Variants in PLD5 observed in about 807,000 individuals in gnomAD.
The protein encoded by PLD5 is inactive phospholipase D5.
Under a neutral mutation model 61.1 loss-of-function variants are expected in PLD5, and 36 were observed. The observed-to-expected ratio is 0.59, with a 90% CI of 0.45 to 0.78. The LOEUF (loss-of-function observed/expected upper bound fraction) is 0.78. Ranked by LOEUF, PLD5 falls within the 30% of genes least tolerant of loss-of-function variation. The pLI, the probability that PLD5 is intolerant of heterozygous loss-of-function variation, is 0.00. For missense variants in PLD5, 515 were observed against 644.4 expected (o/e 0.80, Z 2.17); for synonymous variants, 243 against 242.8 (o/e 1.00, Z -0.01).
intron 1 of PLD5, among the ~76,000 whole-genome samples, chr1:242,447,741 G>A (rs962615176): frequency 2.0e-5 from 3 of 152,118 alleles, no homozygotes; most frequent in Non-Finnish European, 4.4e-5. Context: ...CACTCTCTTC[G>A]GAGGTCTGTA....
In PLD5 at chr1:242,348,146, C is replaced by T. The variant is rs1383167435; in HGVS notation, c.286G>A (p.Glu96Lys). 3.7e-6 allele frequency: 6 copies of T among 1,613,900 alleles called. 1 individual carries two copies. In the South Asian group the frequency reaches 4.4e-5, roughly 12 times the overall value. ...CAATTTTTTTCTGAGAGTCCATCCTCATCCTCTCCCATGATGTCCACGGCT... is the reference window on the plus strand; with the variant it reads ...CAATTTTTTTCTGAGAGTCCATCCTTATCCTCTCCCATGATGTCCACGGCT... The part of the protein sequence containing the change: ...FSAVDIMGED[E>K]DGLSEKNCQN... Residue 96 changes from glutamate (E) to lysine (K), a missense_variant, in exon 2 of 10, where the codon GAG becomes AAG. This residue lies in a region of PLD5 where 450 missense variants were observed against 598.1 expected (regional missense o/e 0.75). Transcript: ENST00000536534.
intron 1 of PLD5, among the ~76,000 whole-genome samples, chr1:242,503,539 T>C (rs1178452074): frequency 6.6e-6 from 1 of 152,210 alleles, no homozygotes; most frequent in Non-Finnish European, 1.5e-5. Context: ...CTCCACTTCC[T>C]TGAAGCACAG....
At chr1:242,122,691 AC>A (rs1289681113) in intron 6 of PLD5, among the ~76,000 whole-genome samples, 2 of 152,168 alleles carry the variant, frequency 1.3e-5, no homozygotes, top group African/African-American at 4.8e-5. Flanking sequence ...CCTCCTCCAT[AC>A]AAAAATGTTA....
rs191867046 is a variant in PLD5 at position 242,155,374 on chromosome 1, T to C, written c.736-30709A>G. On this transcript the variant is annotated intron_variant, in intron 5 of 9. Transcript: ENST00000536534. ...TTCAGTTCTGCTTTGATCATAGTTA[T>C]TTCTTGTCTTCTGCTAGCTTTTGAA... 2.6e-4 allele frequency among the ~76,000 whole-genome samples: 40 copies of C among 152,314 alleles called. No individual in the cohort carries two copies. The East Asian group carries it at 4.4e-3, about 17-fold the overall frequency.
chr1:242,322,044 T>C (rs79366342), intron 2 of PLD5, among the ~76,000 whole-genome samples: 1 of 152,102 alleles, frequency 6.6e-6, no homozygotes, highest in Non-Finnish European at 1.5e-5. Context: ...AATGTCAACA[T>C]TACAAAAATT....
chr1:242,173,186 G>A (rs1666875192), intron 5 of PLD5, among the ~76,000 whole-genome samples: 1 of 152,112 alleles, frequency 6.6e-6, no homozygotes. Context: ...TCCTTAAGCT[G>A]ATAAGCAACT....
At chr1:242,179,113 G>A (rs1359524248) in intron 5 of PLD5, among the ~76,000 whole-genome samples, 1 of 152,202 alleles carries the variant, frequency 6.6e-6, no homozygotes, top group East Asian at 1.9e-4. Flanking sequence ...AGCAATGTGG[G>A]AGGTGATAGA....
Position 242,084,748 on chromosome 1 carries a change from A to AG in PLD5, c.*5105dup, listed in dbSNP as rs1424957815. On this transcript the variant is annotated 3_prime_UTR_variant, in exon 10 of 10. Transcript: ENST00000536534. ...TACTCAGAATGAACATTTATTGGAA[A>AG]GGTTTTTTTTTTTTTTTTTTTTTTT... The AG allele has an allele frequency of 7.4e-6, 1 of 135,386 alleles. No individual in the cohort carries two copies. The highest frequency in any genetic ancestry group is 2.8e-5 in the African/African-American group (1 of 35,304). 8.4% of individuals were successfully genotyped at this position (135,386 alleles called of 1,614,324 possible).
intron 1 of PLD5, among the ~76,000 whole-genome samples, chr1:242,433,984 T>C (rs1181295423): frequency 6.6e-6 from 1 of 152,220 alleles, no homozygotes; most frequent in Non-Finnish European, 1.5e-5. Flanking sequence ...TACGCTCTTG[T>C]AGCCTCTGGT....
At chr1:242,116,203 C>A (rs1279784451) in intron 6 of PLD5, among the ~76,000 whole-genome samples, 1 of 152,078 alleles carries the variant, frequency 6.6e-6, no homozygotes, top group East Asian at 1.9e-4. Context: ...ATGTCTGGAA[C>A]AACTCCCTAC....
chr1:242,289,824 T>C (rs1038589902), intron 2 of PLD5, among the ~76,000 whole-genome samples: 32 of 152,078 alleles, frequency 2.1e-4, no homozygotes, highest in Non-Finnish European at 1.8e-4. Flanking sequence ...CACTTCTCAA[T>C]AAAATACTTA....
At chr1:242,136,543 C>T (rs958592450) in intron 5 of PLD5, among the ~76,000 whole-genome samples, 3 of 152,064 alleles carry the variant, frequency 2.0e-5, no homozygotes, top group African/African-American at 7.2e-5. Context: ...GAAATACAAC[C>T]GAGATGAACT....
At chr1:242,448,335 C>G (rs1436309519) in intron 1 of PLD5, among the ~76,000 whole-genome samples, 1 of 152,138 alleles carries the variant, frequency 6.6e-6, no homozygotes, top group East Asian at 1.9e-4. Flanking sequence ...TAAAAATTCC[C>G]AACCCTCCCT....
At chr1:242,440,636 C>T (rs1158096737) in intron 1 of PLD5, among the ~76,000 whole-genome samples, 1 of 152,248 alleles carries the variant, frequency 6.6e-6, no homozygotes, top group Non-Finnish European at 1.5e-5. Context: ...GCCCCAGAAT[C>T]ACAGAGATTT....
At chr1:242,414,696 T>G (rs1664729715) in intron 1 of PLD5, among the ~76,000 whole-genome samples, 1 of 152,192 alleles carries the variant, frequency 6.6e-6, no homozygotes, top group Admixed American at 6.5e-5. Flanking sequence ...AGAAAATGTG[T>G]GTGAATCACT....
chr1:242,474,744 T>G (rs1362584990), intron 1 of PLD5, among the ~76,000 whole-genome samples: 1 of 152,138 alleles, frequency 6.6e-6, no homozygotes, highest in Non-Finnish European at 1.5e-5. Flanking sequence ...AATACTGTTA[T>G]TCTCAAAATA....
At chr1:242,261,281 T>G (rs1673359495) in intron 4 of PLD5, among the ~76,000 whole-genome samples, 1 of 152,212 alleles carries the variant, frequency 6.6e-6, no homozygotes, top group Admixed American at 6.5e-5. Flanking sequence ...GAAACTTTTT[T>G]AAACGAACGA....
At position 242,132,599 on chromosome 1, in the gene PLD5, CT is replaced by C; in HGVS notation, c.736-7935del. On this transcript the variant is annotated intron_variant, in intron 5 of 9. Coordinates refer to ENST00000536534, the MANE Select transcript of PLD5 (RefSeq NM_001372062.1). ...TAGGAGCTCTAAGTTGATTTTGTTT[CT>C]GCCCTCAAGGTGAAATTTTTGTTAC... Among the ~76,000 whole-genome samples the C allele has an allele frequency of 4.6e-5, 7 of 152,212 alleles. 2 individuals carry two copies. Among genetic ancestry groups the C allele is most frequent in the Admixed American group, 4.6e-4 (7 of 15,286 alleles).
At chr1:242,217,191 C>T (rs1432813664) in intron 5 of PLD5, among the ~76,000 whole-genome samples, 2 of 152,210 alleles carry the variant, frequency 1.3e-5, no homozygotes, top group Non-Finnish European at 2.9e-5. Context: ...TTCTGCAGCC[C>T]AGGGATCAAG....
Sources: gnomAD v4.1 joint callset for allele counts (sites outside exome capture counted in the v4.1 genomes callset) on GRCh38, gnomAD v4.1.1 for gene constraint, gnomAD v4.1.1 regional missense constraint, MANE v1.5 for transcripts, NCBI Gene and HGNC (gene_info 2026-07-23, HGNC 2026-07-21) for gene names.